The following CASK variants were observed in gnomAD, a reference collection of about 807,000 sequenced individuals.
The protein encoded by CASK is peripheral plasma membrane protein CASK.
Under a neutral mutation model 82.9 loss-of-function variants are expected in CASK, and 4 were observed. The observed-to-expected ratio is 0.05, with a 90% CI of 0.02 to 0.11. The LOEUF (loss-of-function observed/expected upper bound fraction) is 0.11, where lower values mean the gene tolerates loss of function less well. Among genes scored for constraint, CASK ranks in the 10% least tolerant of loss-of-function variants. The pLI is 1.00. For missense variants in CASK, 358 were observed against 720.9 expected, an observed-to-expected ratio of 0.50 and a Z score of 5.76; for synonymous variants, 259 against 253.5, an observed-to-expected ratio of 1.02 and a Z score of -0.20.
chrX:41,811,720 GC>G (rs1371716587), intron 2 of CASK, among the ~76,000 whole-genome samples: 1 of 107,575 alleles, frequency 9.3e-6, no homozygotes, highest in African/African-American at 3.4e-5. Flanking sequence ...CTAGCAGAAG[GC>G]AAAAAATAAC....
intron 5 of CASK, among the ~76,000 whole-genome samples, chrX:41,677,029 G>A (rs2067277802): frequency 9.1e-6 from 1 of 110,448 alleles, no homozygotes; most frequent in South Asian, 3.9e-4. Flanking sequence ...GTTTCAGGCT[G>A]GGTGCGGTGG....
chrX:41,681,076 A>G (rs762569768), intron 5 of CASK, among the ~76,000 whole-genome samples: 1 of 112,286 alleles, frequency 8.9e-6, no homozygotes, highest in African/African-American at 3.2e-5. Context: ...TGTTTTCAAC[A>G]AAATATATTG....
At chrX:41,613,184 TGGAAAGGGG>T (rs2066130704) in intron 11 of CASK, among the ~76,000 whole-genome samples, 1 of 111,587 alleles carries the variant, frequency 9.0e-6, no homozygotes, top group Non-Finnish European at 1.9e-5. Context: ...TTTTGTGGAA[TGGAAAGGGG>T]GGAAAGGTGG....
At chrX:41,671,403 T>A (rs1010718659) in intron 6 of CASK, 25 bp downstream of exon 6, 1 of 489,168 alleles carries the variant, frequency 2.0e-6, no homozygotes, top group Non-Finnish European at 3.0e-6. Context: ...TTTTGAAGAA[T>A]TTTTTTTTTT....
intron 9 of CASK, among the ~76,000 whole-genome samples, chrX:41,628,053 GC>G (rs1381355217): frequency 7.1e-5 from 8 of 112,044 alleles, no homozygotes. Context: ...TACAGGATTG[GC>G]AAAAGTCATA....
intron 1 of CASK, among the ~76,000 whole-genome samples, chrX:41,882,307 C>T (rs1431714676): frequency 9.0e-6 from 1 of 111,113 alleles, no homozygotes; most frequent in African/African-American, 3.3e-5. Context: ...AAAGAAATAC[C>T]TTGAAGAATC....
chrX:41,521,431 G>T (rs1484072801), intron 26 of CASK, among the ~76,000 whole-genome samples: 1 of 111,906 alleles, frequency 8.9e-6, no homozygotes, highest in Non-Finnish European at 1.9e-5. Flanking sequence ...CTCTAGGGAG[G>T]TTTGCTGCAA....
At chrX:41,819,691 A>G (rs1167498008) in intron 2 of CASK, among the ~76,000 whole-genome samples, 1 of 111,921 alleles carries the variant, frequency 8.9e-6, no homozygotes, top group African/African-American at 3.2e-5. Flanking sequence ...AAAATCTTGT[A>G]AAATATTAGT....
At chrX:41,618,376 T>C (rs1210378642) in intron 11 of CASK, among the ~76,000 whole-genome samples, 6 of 111,517 alleles carry the variant, frequency 5.4e-5, no homozygotes, top group Non-Finnish European at 9.4e-5. Context: ...CCTGGCTCAC[T>C]GCAGCCTCGA....
In CASK at chrX:41,534,720, G is replaced by C; in HGVS notation, c.2303C>G (p.Ala768Gly). The C allele has an allele frequency of 5.0e-6, 6 of 1,203,793 alleles. No homozygotes were observed. The highest frequency in any genetic ancestry group is 6.8e-6 in the Non-Finnish European group (6 of 888,306). The change falls in exon 24 of 27, where the codon GCG becomes GGG. Residue 768 changes from alanine to glycine, a missense_variant. Ala to Gly is a moderately conservative substitution (Grantham distance 60). This residue lies in a region of CASK where 118 missense variants were observed against 169.4 expected (regional missense o/e 0.70). Transcript: ENST00000378163. ...TLITKHPDRF[A>G]YPIPHTTRPP... ...ACATTGCTTACGTGGAATAGGGTAC[G>C]CAAACCGGTCTGGGTGCTTTGTGAT...
chrX:41,812,835 G>C (rs1402093131), intron 2 of CASK, among the ~76,000 whole-genome samples: 1 of 111,671 alleles, frequency 9.0e-6, no homozygotes, highest in Non-Finnish European at 1.9e-5. Flanking sequence ...TGTATGTTTA[G>C]AAAACCCCAC....
At chrX:41,848,280 G>A (rs2071197258) in intron 2 of CASK, among the ~76,000 whole-genome samples, 1 of 112,081 alleles carries the variant, frequency 8.9e-6, no homozygotes, top group African/African-American at 3.2e-5. Flanking sequence ...GAAACCTCAT[G>A]TTGAAGATTG....
intron 2 of CASK, among the ~76,000 whole-genome samples, chrX:41,852,814 C>G (rs766914321): frequency 9.1e-6 from 1 of 110,102 alleles, no homozygotes; most frequent in Non-Finnish European, 1.9e-5. Context: ...ATGACCCACA[C>G]AATATAATTC....
chrX:41,795,179 A>C (rs922443510), intron 2 of CASK, among the ~76,000 whole-genome samples: 1 of 112,658 alleles, frequency 8.9e-6, no homozygotes, highest in African/African-American at 3.2e-5. Flanking sequence ...ATAGTATAAA[A>C]CAAATTTATC....
intron 5 of CASK, among the ~76,000 whole-genome samples, chrX:41,708,114 C>T (rs2067913943): frequency 3.6e-5 from 3 of 83,478 alleles, no homozygotes; most frequent in Non-Finnish European, 2.2e-5. Context: ...GAGACTCCAT[C>T]TCAAAAAAAA....
intron 5 of CASK, among the ~76,000 whole-genome samples, chrX:41,687,906 C>T (rs1238299101): frequency 8.1e-5 from 8 of 98,763 alleles, no homozygotes; most frequent in Admixed American, 7.1e-4. Flanking sequence ...TGCAGTGAGC[C>T]GAGATTGTGC....
At chrX:41,895,253 T>C (rs1224923006) in intron 1 of CASK, among the ~76,000 whole-genome samples, 1 of 111,858 alleles carries the variant, frequency 8.9e-6, no homozygotes, top group Non-Finnish European at 1.9e-5. Context: ...TGGATAAAAA[T>C]AAGCAAGAAT....
chrX:41,660,888 C>G (rs1298836230), intron 7 of CASK, among the ~76,000 whole-genome samples: 1 of 111,530 alleles, frequency 9.0e-6, no homozygotes. Flanking sequence ...ATACATCGAT[C>G]CAGAAAGAAC....
At chrX:41,622,790 T>C (rs2066305965) in intron 10 of CASK, among the ~76,000 whole-genome samples, 156 bp from the exon 11 acceptor site, 1 of 111,487 alleles carries the variant, frequency 9.0e-6, no homozygotes, top group East Asian at 2.8e-4. Context: ...GTACAATCAC[T>C]GGAACTGTTT....
Sources: gnomAD v4.1 joint callset for allele counts (sites outside exome capture counted in the v4.1 genomes callset) on GRCh38, gnomAD v4.1.1 for gene constraint, gnomAD v4.1.1 regional missense constraint, MANE v1.5 for transcripts, NCBI Gene and HGNC (gene_info 2026-07-23, HGNC 2026-07-21) for gene names.